Variants in JADE3 observed in about 807,000 individuals in gnomAD.
The protein encoded by JADE3 is protein Jade-3.
In JADE3, 2 loss-of-function variants were observed where a neutral mutation model predicts 50.1. The observed-to-expected ratio is 0.04, with a 90% CI of 0.02 to 0.13. The LOEUF (loss-of-function observed/expected upper bound fraction) is 0.13, where lower values mean the gene tolerates loss of function less well. Ranked by LOEUF, JADE3 falls within the 10% of genes least tolerant of loss-of-function variation. The pLI is 1.00. For synonymous variants in JADE3, 218 were observed against 232.9 expected (o/e 0.94, Z 0.58); for missense variants, 475 against 634.4 (o/e 0.75, Z 2.70).
intron 4 of JADE3, among the ~76,000 whole-genome samples, chrX:47,019,875 T>C (rs782450453): frequency 9.8e-5 from 11 of 112,135 alleles, no homozygotes; most frequent in African/African-American, 3.2e-4. Context: ...GATGTGATTG[T>C]GGGTCCTTTC....
At chrX:46,970,380 A>G (rs1371798988) in intron 1 of JADE3, among the ~76,000 whole-genome samples, 2 of 112,012 alleles carry the variant, frequency 1.8e-5, no homozygotes, top group Non-Finnish European at 3.8e-5. Context: ...ACCAGAGGTG[A>G]GGGTTTAACA....
At chrX:46,991,033 T>C (rs1172045288) in intron 3 of JADE3, among the ~76,000 whole-genome samples, 1 of 55,047 alleles carries the variant, frequency 1.8e-5, no homozygotes, top group African/African-American at 7.8e-5. Context: ...TCCTTCCTTC[T>C]TTCCTTCCTT....
chrX:47,036,005 G>A (rs1331724715), intron 7 of JADE3, among the ~76,000 whole-genome samples: 1 of 110,223 alleles, frequency 9.1e-6, no homozygotes, highest in Non-Finnish European at 1.9e-5. Flanking sequence ...TTAGCCAGGT[G>A]TGGTGGTGCA....
intron 1 of JADE3, among the ~76,000 whole-genome samples, chrX:46,928,957 ATAGT>A (rs1407628560): frequency 8.9e-6 from 1 of 111,906 alleles, no homozygotes; most frequent in East Asian, 2.8e-4. Flanking sequence ...GTGGAAAACA[ATAGT>A]TAGGAAAAGA....
At chrX:46,951,039 T>C (rs1926989438) in intron 1 of JADE3, among the ~76,000 whole-genome samples, 1 of 110,256 alleles carries the variant, frequency 9.1e-6, no homozygotes, top group Non-Finnish European at 1.9e-5. Flanking sequence ...GTGTTCTTAG[T>C]GTCTTGGCAG....
chrX:46,977,771 G>A (rs1927657865), intron 1 of JADE3, among the ~76,000 whole-genome samples: 1 of 111,461 alleles, frequency 9.0e-6, no homozygotes, highest in African/African-American at 3.3e-5. Flanking sequence ...GCCAGTTAGG[G>A]TCTTAAGAAA....
chrX:47,033,567 C>G (rs1308530775), intron 6 of JADE3, 54 bp from the exon 7 acceptor site: 1 of 1,038,308 alleles, frequency 9.6e-7, no homozygotes, highest in East Asian at 3.1e-5. Context: ...GAACAGATAC[C>G]AACCCTGGTG....
chrX:46,964,012 C>T (rs782086877), intron 1 of JADE3, among the ~76,000 whole-genome samples: 6 of 112,075 alleles, frequency 5.4e-5, no homozygotes, highest in African/African-American at 1.9e-4. Flanking sequence ...CACATGTGTT[C>T]TATGTGTTTG....
intron 3 of JADE3, among the ~76,000 whole-genome samples, chrX:46,987,145 G>T (rs1927880988): frequency 8.9e-6 from 1 of 112,258 alleles, no homozygotes; most frequent in Non-Finnish European, 1.9e-5. Flanking sequence ...TCTCCTTGGA[G>T]CTGAAGGACT....
chrX:47,037,304 G>A (rs1379514475), intron 7 of JADE3, among the ~76,000 whole-genome samples: 1 of 111,514 alleles, frequency 9.0e-6, no homozygotes, highest in Non-Finnish European at 1.9e-5. Context: ...TTACACGGAT[G>A]TGCTGTTTTT....
intron 8 of JADE3, among the ~76,000 whole-genome samples, chrX:47,044,747 A>G (rs782510674): frequency 1.8e-5 from 2 of 112,247 alleles, no homozygotes; most frequent in Non-Finnish European, 3.8e-5. Flanking sequence ...CAGTATAATA[A>G]GATGTAAGTA....
intron 6 of JADE3, among the ~76,000 whole-genome samples, chrX:47,029,186 A>G (rs1928966249): frequency 8.9e-6 from 1 of 111,808 alleles, no homozygotes; most frequent in Non-Finnish European, 1.9e-5. Context: ...TTTTATAGAT[A>G]TAAGTCCAAG....
chrX:46,924,922 A>G (rs935107549), intron 1 of JADE3, among the ~76,000 whole-genome samples: 1 of 111,801 alleles, frequency 8.9e-6, no homozygotes, highest in African/African-American at 3.3e-5. Context: ...GCCAGGTGCC[A>G]TTCGCTTCAG....
intron 3 of JADE3, among the ~76,000 whole-genome samples, chrX:46,994,273 C>T: frequency 8.9e-6 from 1 of 111,837 alleles, no homozygotes; most frequent in Non-Finnish European, 1.9e-5. Flanking sequence ...GTGAGGCCTC[C>T]TTTGTTTCTG....
intron 8 of JADE3, among the ~76,000 whole-genome samples, chrX:47,044,353 A>C (rs1556370303): frequency 8.9e-6 from 1 of 111,851 alleles, no homozygotes; most frequent in African/African-American, 3.2e-5. Flanking sequence ...TGGAAACCTT[A>C]CAGGCCAGGA....
intron 1 of JADE3, among the ~76,000 whole-genome samples, chrX:46,983,918 T>C (rs1275726944): frequency 1.8e-5 from 2 of 111,672 alleles, no homozygotes; most frequent in Non-Finnish European, 3.8e-5. Context: ...TTGTTGCTGC[T>C]ATTCTTAATT....
rs1376478796 is a variant in JADE3, at chrX:47,023,473, A to G, written c.285-1251A>G. Reference sequence around the variant, plus strand: ...TTTTTTTTTGGCTGCCTAGTATTCCATGGTGAATATGTACCACATTTTCTT... The same window carrying G: ...TTTTTTTTTGGCTGCCTAGTATTCCGTGGTGAATATGTACCACATTTTCTT... On this transcript the variant is annotated intron_variant, in intron 4 of 10. Transcript: ENST00000614628. Among the ~76,000 whole-genome samples, 3 of 111,814 alleles carry G rather than the reference A, an allele frequency of 2.7e-5. 1 individual carries two copies. Among genetic ancestry groups the G allele is most frequent in the Non-Finnish European group, 1.9e-5 (1 of 53,190 alleles).
At position 47,058,434 on chromosome X, in the gene JADE3, G is replaced by A; in HGVS notation, c.1829G>A (p.Ser610Asn). Residue 610 changes from serine (S) to asparagine (N), a missense_variant, in exon 11 of 11, where the codon AGC becomes AAC. Physicochemically the swap from Ser to Asn is conservative, Grantham distance 46. Transcript: ENST00000614628. Reference protein sequence around the residue: ...SKNNRLLASLSHSRSEAKESS... With the variant: ...SKNNRLLASLNHSRSEAKESS... ...AATAACCGTTTGCTGGCCAGTCTCA[G>A]CCATTCTAGGAGTGAAGCAAAGGAG... is the stretch of plus-strand genomic sequence containing the variant. The A allele has an allele frequency of 9.1e-6, 11 of 1,211,719 alleles. No individual in the cohort carries two copies. Among genetic ancestry groups the A allele is most frequent in the Non-Finnish European group, 1.2e-5 (11 of 895,495 alleles).
At chrX:46,965,098 A>G (rs924523911) in intron 1 of JADE3, among the ~76,000 whole-genome samples, 1 of 112,254 alleles carries the variant, frequency 8.9e-6, no homozygotes, top group Admixed American at 9.5e-5. Context: ...AGATCAGACA[A>G]TAAGTGAGGA....
Sources: gnomAD v4.1 joint callset for allele counts (sites outside exome capture counted in the v4.1 genomes callset) on GRCh38, gnomAD v4.1.1 for gene constraint, MANE v1.5 for transcripts, NCBI Gene and HGNC (gene_info 2026-07-23, HGNC 2026-07-21) for gene names.